CASP8: variants seen among roughly 807,000 people sequenced by gnomAD.
CASP8 encodes caspase-8.
CASP8 carries 24 observed loss-of-function variants against 46.3 expected under a neutral mutation model. The ratio of observed to expected loss-of-function variants is 0.52; its 90% CI spans 0.38 to 0.73. The LOEUF is 0.73. Among genes scored for constraint, CASP8 ranks in the 30% least tolerant of loss-of-function variants. The pLI is 0.00. For synonymous variants in CASP8, 188 were observed against 200.4 expected, an observed-to-expected ratio of 0.94 and a Z score of 0.52; for missense variants, 460 against 559.0, an observed-to-expected ratio of 0.82 and a Z score of 1.79.
chr2:201,271,488 T>A, intron 2 of CASP8, 28 bp from the exon 3 acceptor site: 1 of 1,334,096 alleles, frequency 7.5e-7, no homozygotes, highest in Non-Finnish European at 1.1e-6. Context: ...GGAAAAGATT[T>A]CTAAAGTGTC....
intron 1 of CASP8, among the ~76,000 whole-genome samples, chr2:201,261,391 C>CAAAAAAAAAAAAAAAAAAAAATAAA (rs1947393415): frequency 1.1e-5 from 1 of 88,538 alleles, no homozygotes. Context: ...AACTCCGTCT[C>CAAAAAAAAAAAAAAAAAAAAATAAA]AAAAAAAAAA....
At chr2:201,257,075 G>A (rs1040346053), upstream of CASP8, among the ~76,000 whole-genome samples, 1 of 152,022 alleles carries the variant, frequency 6.6e-6, no homozygotes, top group Non-Finnish European at 1.5e-5. Context: ...AACCCGGGAG[G>A]CGGAGGTTGC....
chr2:201,279,347 A>G (rs1948851752), intron 7 of CASP8, among the ~76,000 whole-genome samples: 1 of 152,250 alleles, frequency 6.6e-6, no homozygotes, highest in African/African-American at 2.4e-5. Flanking sequence ...TTTACTGAAC[A>G]CAGAGAGACT....
At chr2:201,240,728 A>G (rs1576192829) in intron 2 of CASP8, 2 of 152,328 alleles carry the variant, frequency 1.3e-5, no homozygotes, top group East Asian at 3.9e-4. Flanking sequence ...TAGAACACAC[A>G]TTATCCTCAA....
At chr2:201,281,768 T>A in intron 7 of CASP8, 2 of 1,021,508 alleles carry the variant, frequency 2.0e-6, no homozygotes, top group Admixed American at 2.2e-5. Flanking sequence ...TTACCCATCT[T>A]GTAAACTAGT....
chr2:201,258,915 TC>T (rs1430423947), upstream of CASP8, among the ~76,000 whole-genome samples: 4 of 152,192 alleles, frequency 2.6e-5, no homozygotes, highest in East Asian at 7.7e-4. Flanking sequence ...TGATGTGGAT[TC>T]GTGAATTTAT....
chr2:201,258,298 C>A, upstream of CASP8: 1 of 1,613,992 alleles, frequency 6.2e-7, no homozygotes, highest in Non-Finnish European at 8.5e-7. Flanking sequence ...GGGAGCCTTT[C>A]CCACCCCCTT....
chr2:201,264,201 A>T (rs996862137), intron 1 of CASP8, among the ~76,000 whole-genome samples: 2 of 152,208 alleles, frequency 1.3e-5, no homozygotes, highest in Non-Finnish European at 2.9e-5. Flanking sequence ...AATGCTGATA[A>T]ACAGTTGTTT....
Position 201,286,575 on chromosome 2 carries a change from T to G in CASP8, c.1421T>G (p.Leu474Arg), listed in dbSNP as rs1382820779. 1.2e-6 allele frequency: 2 copies of G among 1,613,856 alleles called. No individual in the cohort carries two copies. Reference protein sequence around the residue: ...PQPTFTLRKKLVFPSD With the variant: ...PQPTFTLRKKRVFPSD ...CCTACTTTCACACTAAGAAAAAAAC[T>G]TGTCTTCCCTTCTGATTGATGGTGC... Residue 474 changes from leucine to arginine, a missense_variant, in exon 9 of 9, where the codon CTT becomes CGT. Coordinates refer to ENST00000673742, the MANE Select transcript of CASP8 (RefSeq NM_001372051.1).
At chr2:201,275,472 T>C (rs1948575855) in intron 6 of CASP8, among the ~76,000 whole-genome samples, 1 of 152,196 alleles carries the variant, frequency 6.6e-6, no homozygotes, top group Admixed American at 6.5e-5. Flanking sequence ...TAATCAACAA[T>C]CCACCAAATA....
At chr2:201,270,616 A>G (rs1478148524) in intron 2 of CASP8, among the ~76,000 whole-genome samples, 2 of 152,082 alleles carry the variant, frequency 1.3e-5, no homozygotes, top group Non-Finnish European at 2.9e-5. Context: ...TGCAGCCTCA[A>G]CCTTCTGGGC....
intron 1 of CASP8, among the ~76,000 whole-genome samples, chr2:201,261,198 C>T (rs1228508568): frequency 1.3e-5 from 2 of 152,134 alleles, no homozygotes; most frequent in Admixed American, 1.3e-4. Flanking sequence ...TTGAGACCAG[C>T]TTGACCAACA....
chr2:201,238,491 G>C (rs1946153045), intron 2 of CASP8, among the ~76,000 whole-genome samples: 1 of 151,524 alleles, frequency 6.6e-6, no homozygotes, highest in South Asian at 2.1e-4. Context: ...ACTCAGGCTG[G>C]AGTGCAGTGG....
intron 6 of CASP8, among the ~76,000 whole-genome samples, chr2:201,275,371 G>C (rs1319327719): frequency 6.6e-6 from 1 of 152,176 alleles, no homozygotes; most frequent in African/African-American, 2.4e-5. Context: ...GGTGTAAGCA[G>C]CAAACTCTCA....
chr2:201,236,756 C>T (rs4616463), intron 2 of CASP8, among the ~76,000 whole-genome samples: 62,434 of 151,726 alleles, frequency 0.41, 13,361 homozygotes, highest in Non-Finnish European at 0.48. Flanking sequence ...TAGGTGCGCA[C>T]CACCGCACCT....
intron 2 of CASP8, among the ~76,000 whole-genome samples, chr2:201,270,830 A>G (rs1948194946): frequency 6.6e-6 from 1 of 152,204 alleles, no homozygotes; most frequent in South Asian, 2.1e-4. Flanking sequence ...CCACTGCACC[A>G]GGCCAACAGA....
At chr2:201,258,340 G>C (rs774248293), upstream of CASP8, 6 of 1,613,928 alleles carry the variant, frequency 3.7e-6, no homozygotes, top group African/African-American at 6.7e-5. Context: ...AGGCAGGTTA[G>C]GGGACTCGGA....
At chr2:201,280,270 A>T (rs1035704204) in intron 7 of CASP8, among the ~76,000 whole-genome samples, 4 of 152,184 alleles carry the variant, frequency 2.6e-5, no homozygotes, top group African/African-American at 9.6e-5. Flanking sequence ...GTGAAAGATA[A>T]GAAAATTTGA....
At chr2:201,258,531 C>G (rs749054074), upstream of CASP8, 10 of 905,850 alleles carry the variant, frequency 1.1e-5, no homozygotes, top group Non-Finnish European at 1.6e-5. Context: ...TGGCCCAGGT[C>G]TCCTGTGTGG....
Sources: gnomAD v4.1 joint callset for allele counts (sites outside exome capture counted in the v4.1 genomes callset) on GRCh38, gnomAD v4.1.1 for gene constraint, MANE v1.5 for transcripts, NCBI Gene and HGNC (gene_info 2026-07-23, HGNC 2026-07-21) for gene names.